TAS2R1: variants seen among roughly 807,000 people sequenced by gnomAD.
The protein encoded by TAS2R1 is taste 2 receptor member 1, also known as taste receptor type 2 member 1.
For missense variants in TAS2R1, 370 were observed against 353.4 expected, an observed-to-expected ratio of 1.05 and a Z score of -0.38; for synonymous variants, 141 against 134.2, an observed-to-expected ratio of 1.05 and a Z score of -0.35.
chr5:9,793,217 G>C, the TAS2R1 span, among the ~76,000 whole-genome samples: 1 of 152,206 alleles, frequency 6.6e-6, no homozygotes, highest in Non-Finnish European at 1.5e-5. Context: ...CCTGGAGGGG[G>C]AGGAATTAGG....
chr5:9,817,773 CAT>C, the TAS2R1 span, among the ~76,000 whole-genome samples: 1 of 151,738 alleles, frequency 6.6e-6, no homozygotes, highest in Admixed American at 6.6e-5. Flanking sequence ...TTCATTGACT[CAT>C]AGTTCCATAT....
chr5:9,845,452 C>T, the TAS2R1 span, among the ~76,000 whole-genome samples: 2 of 152,154 alleles, frequency 1.3e-5, no homozygotes, highest in African/African-American at 2.4e-5. Flanking sequence ...AAAGTAGTTT[C>T]TGGGCAAGCT....
chr5:9,843,471 A>AT, the TAS2R1 span, among the ~76,000 whole-genome samples: 1 of 152,174 alleles, frequency 6.6e-6, no homozygotes, highest in Non-Finnish European at 1.5e-5. Context: ...TTCAGCCACG[A>AT]TTTTCACTTT....
chr5:9,726,485 T>C, the TAS2R1 span, among the ~76,000 whole-genome samples: 6 of 152,122 alleles, frequency 3.9e-5, no homozygotes, highest in African/African-American at 1.4e-4. Context: ...CTTAGTTCTT[T>C]CACTCTTTGC....
chr5:9,873,551 G>C, the TAS2R1 span, among the ~76,000 whole-genome samples: 1 of 151,902 alleles, frequency 6.6e-6, no homozygotes, highest in East Asian at 1.9e-4. Context: ...GGGAGATTAG[G>C]AATAGAAGGA....
chr5:9,882,399 G>A, the TAS2R1 span, among the ~76,000 whole-genome samples: 8 of 152,086 alleles, frequency 5.3e-5, no homozygotes, highest in Admixed American at 2.6e-4. Flanking sequence ...AGGCCAAGGC[G>A]GGGATCACTT....
At chr5:9,676,101 G>T (rs2126506469) in intron 1 of TAS2R1, among the ~76,000 whole-genome samples, 2 of 152,144 alleles carry the variant, frequency 1.3e-5, no homozygotes, top group Non-Finnish European at 2.9e-5. Context: ...CATCTATGAA[G>T]ATTTTCATGT....
At chr5:9,839,556 G>T in the TAS2R1 span, among the ~76,000 whole-genome samples, 9,011 of 152,240 alleles carry the variant, frequency 0.059, 622 homozygotes, top group East Asian at 0.23. Flanking sequence ...GGGAAGGTGT[G>T]TTTCTACGCT....
At chr5:9,866,064 C>A in the TAS2R1 span, among the ~76,000 whole-genome samples, 3 of 152,138 alleles carry the variant, frequency 2.0e-5, no homozygotes, top group African/African-American at 7.2e-5. Flanking sequence ...CTCTTACTTA[C>A]TCTTCTATAC....
the TAS2R1 span, among the ~76,000 whole-genome samples, chr5:9,849,236 T>G: frequency 2.6e-5 from 4 of 152,320 alleles, no homozygotes; most frequent in East Asian, 7.7e-4. Context: ...TCTAACCCAG[T>G]GGGGCCACCC....
At chr5:9,718,211 T>C in the TAS2R1 span, among the ~76,000 whole-genome samples, 12 of 151,964 alleles carry the variant, frequency 7.9e-5, no homozygotes, top group East Asian at 1.9e-4. Context: ...CCTTGTGATC[T>C]GCCCACCTTG....
intron 2 of TAS2R1, among the ~76,000 whole-genome samples, chr5:9,635,717 A>C (rs969203762): frequency 6.6e-6 from 1 of 151,668 alleles, no homozygotes; most frequent in Non-Finnish European, 1.5e-5. Flanking sequence ...TGTTTAGTTT[A>C]TGTGTGTAAA....
At chr5:9,773,317 CCTCT>C in the TAS2R1 span, among the ~76,000 whole-genome samples, 3 of 151,612 alleles carry the variant, frequency 2.0e-5, no homozygotes, top group Non-Finnish European at 2.9e-5. Context: ...TTAACTTCAT[CCTCT>C]CTCTTTTTAA....
the TAS2R1 span, among the ~76,000 whole-genome samples, chr5:9,900,879 T>C: frequency 3.3e-5 from 5 of 152,256 alleles, no homozygotes; most frequent in South Asian, 6.2e-4. Context: ...CGCCTCGGCC[T>C]CCTGCTCAAA....
At chr5:9,801,516 G>A in the TAS2R1 span, among the ~76,000 whole-genome samples, 1 of 152,226 alleles carries the variant, frequency 6.6e-6, no homozygotes, top group Non-Finnish European at 1.5e-5. Flanking sequence ...TACCAGGAAA[G>A]CCAAGAGAAT....
chr5:9,651,742 G>A lies in TAS2R1; in HGVS notation c.-81+7679C>T, dbSNP rs139082329. Among the ~76,000 whole-genome samples, 1,328 of 151,976 alleles carry A rather than the reference G, an allele frequency of 8.7e-3. 26 individuals carry two copies. Among genetic ancestry groups the A allele is most frequent in the African/African-American group, 0.03 (1,259 of 41,462 alleles). On this transcript the variant is annotated intron_variant, in intron 2 of 2. Transcript: ENST00000506620. ...AGGGTATGAGAATGAAGAACACTCC[G>A]GAGACCAGAAGCAACTTATGACTCA...
At chr5:9,817,294 C>G in the TAS2R1 span, among the ~76,000 whole-genome samples, 1 of 152,146 alleles carries the variant, frequency 6.6e-6, no homozygotes, top group African/African-American at 2.4e-5. Flanking sequence ...ATTTTATTTT[C>G]TATTTTGCAC....
At chr5:9,738,456 G>A in the TAS2R1 span, among the ~76,000 whole-genome samples, 1 of 152,160 alleles carries the variant, frequency 6.6e-6, no homozygotes, top group East Asian at 1.9e-4. Flanking sequence ...TGAAGCCAAA[G>A]CACATTCTTT....
intron 1 of TAS2R1, among the ~76,000 whole-genome samples, chr5:9,686,495 C>T (rs1003517573): frequency 1.3e-5 from 2 of 152,090 alleles, no homozygotes; most frequent in Non-Finnish European, 2.9e-5. Context: ...TTTGCTCTGT[C>T]ATGTAATTAA....
Sources: gnomAD v4.1 joint callset for allele counts (sites outside exome capture counted in the v4.1 genomes callset) on GRCh38, gnomAD v4.1.1 for gene constraint, MANE v1.5 for transcripts, NCBI Gene and HGNC (gene_info 2026-07-23, HGNC 2026-07-21) for gene names.